The following SULF2 variants were observed in gnomAD, a reference collection of about 807,000 sequenced individuals.
The protein encoded by SULF2 is sulfatase 2, also known as extracellular sulfatase Sulf-2.
Under a neutral mutation model 107.7 loss-of-function variants are expected in SULF2, and 52 were observed. The ratio of observed to expected loss-of-function variants is 0.48; its 90% CI spans 0.39 to 0.61. SULF2 has a LOEUF of 0.61. Among genes scored for constraint, SULF2 ranks in the 20% least tolerant of loss-of-function variants. SULF2 has a pLI of 0.00. For missense variants in SULF2, 993 were observed against 1,177.3 expected (o/e 0.84, Z 2.29); for synonymous variants, 460 against 464.3 (o/e 0.99, Z 0.12).
chr20:47,756,491 C>T (rs73137523), intron 2 of SULF2, among the ~76,000 whole-genome samples: 38,526 of 152,050 alleles, frequency 0.25, 5,736 homozygotes, highest in Non-Finnish European at 0.34. Context: ...CAAGGCTAAC[C>T]TAGTCAACCT....
At chr20:47,687,077 C>G (rs1371233098) in intron 5 of SULF2, among the ~76,000 whole-genome samples, 1 of 152,190 alleles carries the variant, frequency 6.6e-6, no homozygotes, top group Non-Finnish European at 1.5e-5. Flanking sequence ...CCCAAGGGCC[C>G]GGATTCCAGG....
chr20:47,667,015 G>T (rs551727186), intron 11 of SULF2, among the ~76,000 whole-genome samples: 1 of 152,216 alleles, frequency 6.6e-6, no homozygotes, highest in Non-Finnish European at 1.5e-5. Flanking sequence ...TTGTGGGTAC[G>T]GGGTTCCCTT....
intron 1 of SULF2, among the ~76,000 whole-genome samples, chr20:47,762,223 T>C (rs972876281): frequency 2.0e-5 from 3 of 152,368 alleles, no homozygotes; most frequent in Non-Finnish European, 4.4e-5. Context: ...GAAACTACGA[T>C]TGCAGCAGCC....
At chr20:47,724,458 G>A (rs2089383177) in intron 3 of SULF2, among the ~76,000 whole-genome samples, 1 of 152,200 alleles carries the variant, frequency 6.6e-6, no homozygotes, top group African/African-American at 2.4e-5. Context: ...GCGGAGCTCT[G>A]GGTGTTGGTG....
In SULF2 at chr20:47,712,622, G is replaced by A. The variant is rs564240336; in HGVS notation, c.416-9952C>T. ...GTGAGCAGTGGCCGACAGGAGGGCTGGGTAGGTGCACCTGATTGAGGTACA... is the reference window on the plus strand; with the variant it reads ...GTGAGCAGTGGCCGACAGGAGGGCTAGGTAGGTGCACCTGATTGAGGTACA... On this transcript the variant is annotated intron_variant, in intron 3 of 20. Coordinates refer to ENST00000688720, the MANE Select transcript of SULF2 (RefSeq NM_001387048.1). 4.6e-5 allele frequency among the ~76,000 whole-genome samples: 7 copies of A among 152,312 alleles called. No homozygotes were observed. The South Asian group carries it at 1.5e-3, about 32-fold the overall frequency.
chr20:47,694,235 C>T lies in SULF2; in HGVS notation c.568-3940G>A, dbSNP rs759048178. On this transcript the variant is annotated intron_variant, in intron 4 of 20. Coordinates refer to ENST00000688720, the MANE Select transcript of SULF2 (RefSeq NM_001387048.1). The surrounding 1 kb of genome is among the most constrained non-coding windows in gnomAD (Gnocchi z 4.4). ...GAACAGGAGGCCTGGGCCAGGGTGG[C>T]GGGGGCAGCATCCAGCGATGCTCAG... 1.4e-4 allele frequency among the ~76,000 whole-genome samples: 22 copies of T among 151,980 alleles called. No individual in the cohort carries two copies. The highest frequency in any genetic ancestry group is 2.6e-4 in the Admixed American group (4 of 15,272).
intron 5 of SULF2, among the ~76,000 whole-genome samples, chr20:47,687,071 A>G (rs780183413): frequency 2.0e-4 from 30 of 152,202 alleles, no homozygotes; most frequent in Non-Finnish European, 3.5e-4. Context: ...CGCAGGCCCA[A>G]GGGCCCGGAT....
intron 7 of SULF2, among the ~76,000 whole-genome samples, chr20:47,679,406 C>T (rs761523788): frequency 6.6e-6 from 1 of 152,204 alleles, no homozygotes; most frequent in Admixed American, 6.5e-5. Context: ...TGTGGACCAA[C>T]CTGCACCTGC....
At chr20:47,658,543 T>TC (rs2086967365) in intron 20 of SULF2, 151 bp from the exon 21 acceptor site, 2 of 822,540 alleles carry the variant, frequency 2.4e-6, no homozygotes, top group Admixed American at 4.1e-5. Context: ...CACCACCTAG[T>TC]CACCTCAATT....
intron 18 of SULF2, 158 bp downstream of exon 18, chr20:47,661,615 G>A (rs898529732): frequency 4.8e-6 from 3 of 622,274 alleles, no homozygotes; most frequent in Admixed American, 3.5e-5. Context: ...AAGGTCATCT[G>A]CCTGCTATGG....
chr20:47,677,381 G>GT (rs2087679624), intron 8 of SULF2, among the ~76,000 whole-genome samples: 1 of 150,794 alleles, frequency 6.6e-6, no homozygotes, highest in Non-Finnish European at 1.5e-5. Flanking sequence ...CAAAATCACT[G>GT]TAAGTCCCAC....
Position 47,659,428 on chromosome 20 carries a change from T to G in SULF2, c.2553A>C (p.Pro851=). 1 of 1,614,214 alleles carries G rather than the reference T, an allele frequency of 6.2e-7. No homozygotes were observed. The highest frequency in any genetic ancestry group is 8.5e-7 in the Non-Finnish European group (1 of 1,180,034). The change falls in exon 20 of 21, where the codon CCA becomes CCC. Residue 851 remains proline, a synonymous_variant. Coordinates refer to ENST00000688720, the MANE Select transcript of SULF2 (RefSeq NM_001387048.1). ...ATTTGGAAGAAGGTCTCTTCATTTC[T>G]GGCCACTTTCGACGCTGAAACTGCC... ...QYRQFQRRKW[P]EMKRPSSKSL...
At chr20:47,660,059 C>G (rs2087016319) in intron 18 of SULF2, among the ~76,000 whole-genome samples, 2 of 152,186 alleles carry the variant, frequency 1.3e-5, no homozygotes, top group Admixed American at 6.5e-5. Flanking sequence ...GACAGAAAGC[C>G]AAGAGCCCTG....
intron 3 of SULF2, among the ~76,000 whole-genome samples, chr20:47,719,827 T>C (rs2089234083): frequency 6.6e-6 from 1 of 152,214 alleles, no homozygotes; most frequent in Admixed American, 6.5e-5. Flanking sequence ...CACTAATGGG[T>C]GTGGCTGTGT....
intron 3 of SULF2, among the ~76,000 whole-genome samples, chr20:47,731,767 G>A (rs2146760655): frequency 6.6e-6 from 1 of 152,330 alleles, no homozygotes; most frequent in Middle Eastern, 3.4e-3. Flanking sequence ...TCAAAGTGGA[G>A]GGAACAATTT....
At chr20:47,718,887 G>A (rs1027622473) in intron 3 of SULF2, among the ~76,000 whole-genome samples, 7 of 152,214 alleles carry the variant, frequency 4.6e-5, no homozygotes, top group Non-Finnish European at 1.0e-4. Flanking sequence ...CTGAGGAGCT[G>A]TAAGCATTTA....
In SULF2 at chr20:47,694,901, A is replaced by T. The variant is rs1414591355; in HGVS notation, c.568-4606T>A. On this transcript the variant is annotated intron_variant, in intron 4 of 20. Transcript: ENST00000688720. The surrounding 1 kb of genome is among the most constrained non-coding windows in gnomAD (Gnocchi z 4.4). ...GTCACAGCAACTTTGACAAGTGGAC[A>T]TTATACCCATTTTACAGATAAGGAA... Among the ~76,000 whole-genome samples, 1 of 152,228 alleles carries T rather than the reference A, an allele frequency of 6.6e-6. No individual in the cohort carries two copies. Among genetic ancestry groups the T allele is most frequent in the East Asian group, 1.9e-4 (1 of 5,200 alleles).
intron 9 of SULF2, 95 bp from the exon 10 acceptor site, chr20:47,676,718 C>A: frequency 6.8e-7 from 1 of 1,469,574 alleles, no homozygotes; most frequent in Non-Finnish European, 9.1e-7. Context: ...GCCCCCTCGG[C>A]TCCGGCTTTT....
At chr20:47,779,953 C>T (rs1451821380) in intron 1 of SULF2, among the ~76,000 whole-genome samples, 2 of 151,548 alleles carry the variant, frequency 1.3e-5, no homozygotes, top group East Asian at 3.9e-4. Flanking sequence ...CTTAGCATGG[C>T]CTGTATTTCT....
Sources: allele counts gnomAD v4.1 joint callset (sites outside exome capture counted in the v4.1 genomes callset), GRCh38; gene constraint gnomAD v4.1.1; non-coding constraint Gnocchi (gnomAD v3.1); transcripts MANE v1.5; gene names NCBI Gene and HGNC (gene_info 2026-07-23, HGNC 2026-07-21).